NVL: variants seen among roughly 807,000 people sequenced by gnomAD.
NVL encodes the protein nuclear VCP like, also known as nuclear valosin-containing protein-like.
A neutral mutation model predicts 110.2 loss-of-function variants in NVL; 84 were observed. The ratio of observed to expected loss-of-function variants is 0.76; its 90% CI spans 0.64 to 0.91. The LOEUF (loss-of-function observed/expected upper bound fraction) is 0.91. Ranked by LOEUF, NVL falls within the 40% of genes least tolerant of loss-of-function variation. The pLI is 0.00. For synonymous variants in NVL, 354 were observed against 361.1 expected (o/e 0.98, Z 0.22); for missense variants, 882 against 1,035.9 (o/e 0.85, Z 2.04).
intron 18 of NVL, among the ~76,000 whole-genome samples, chr1:224,256,840 G>A (rs975288333): frequency 6.6e-6 from 1 of 151,968 alleles, no homozygotes; most frequent in Non-Finnish European, 1.5e-5. Context: ...CCAGACCTTG[G>A]AGCCATGCTT....
Position 224,326,457 on chromosome 1 carries a change from G to T in NVL, c.65C>A (p.Thr22Asn), listed in dbSNP as rs1272024137. The T allele has an allele frequency of 1.9e-6, 3 of 1,608,506 alleles. No homozygotes were observed. The highest frequency in any genetic ancestry group is 2.7e-5 in the African/African-American group (2 of 74,780). The change falls in exon 2 of 23, where the codon ACC becomes AAC. Residue 22 changes from threonine (T) to asparagine (N), a missense_variant. By Grantham distance (65) the Thr-to-Asn change is moderately conservative (BLOSUM62 0). Transcript: ENST00000281701. Reference sequence around the variant, plus strand: ...CACATATTTGCCACATTTGTTACTGGTAAGGTACTAAAACAGAAAATATAA... The same window carrying T: ...CACATATTTGCCACATTTGTTACTGTTAAGGTACTAAAACAGAAAATATAA... Reference protein sequence around the residue: ...KLKQRVIQYLTSNKCGKYVDI... With the variant: ...KLKQRVIQYLNSNKCGKYVDI...
intron 6 of NVL, among the ~76,000 whole-genome samples, chr1:224,306,601 G>A (rs1040277098): frequency 6.6e-6 from 1 of 152,158 alleles, no homozygotes; most frequent in Non-Finnish European, 1.5e-5. Flanking sequence ...TCAGGCTGAG[G>A]TGGGTGGATC....
intron 8 of NVL, 50 bp from the exon 9 acceptor site, chr1:224,303,907 T>C (rs763816538): frequency 6.5e-7 from 1 of 1,543,676 alleles, no homozygotes. Context: ...ACAATCAAAG[T>C]AGAATGAAAT....
intron 19 of NVL, among the ~76,000 whole-genome samples, chr1:224,237,053 A>G (rs1219094263): frequency 1.3e-5 from 2 of 152,256 alleles, no homozygotes; most frequent in African/African-American, 4.8e-5. Context: ...AGCAGATTCC[A>G]AACTTGAGAA....
chr1:224,289,026 A>G (rs1667126205), intron 13 of NVL, among the ~76,000 whole-genome samples: 1 of 152,228 alleles, frequency 6.6e-6, no homozygotes, highest in Admixed American at 6.5e-5. Context: ...TTAAATGCCA[A>G]TGCTGAAATA....
At chr1:224,250,397 T>C (rs767152075) in intron 18 of NVL, 79 bp from the exon 19 acceptor site, 104 of 1,287,448 alleles carry the variant, frequency 8.1e-5, no homozygotes, top group Non-Finnish European at 1.0e-4. Flanking sequence ...GAGGGTCTTG[T>C]TCCATCTCCC....
chr1:224,254,312 C>T (rs984245603), intron 18 of NVL, among the ~76,000 whole-genome samples: 12 of 150,538 alleles, frequency 8.0e-5, no homozygotes, highest in Admixed American at 1.3e-4. Flanking sequence ...AGGCTGGTCT[C>T]GAACTCCTGA....
At chr1:224,325,525 G>A (rs1313108122) in intron 2 of NVL, among the ~76,000 whole-genome samples, 1 of 151,976 alleles carries the variant, frequency 6.6e-6, no homozygotes, top group Non-Finnish European at 1.5e-5. Context: ...CCTGAGGTCA[G>A]GAGTTCGAGA....
chr1:224,241,449 G>A (rs888397692), intron 19 of NVL, among the ~76,000 whole-genome samples: 5 of 151,954 alleles, frequency 3.3e-5, no homozygotes, highest in African/African-American at 4.8e-5. Context: ...TCTCTATTAC[G>A]ATAATATTAT....
intron 19 of NVL, among the ~76,000 whole-genome samples, chr1:224,238,587 T>C (rs1212338828): frequency 1.3e-5 from 2 of 152,240 alleles, no homozygotes; most frequent in African/African-American, 4.8e-5. Context: ...ACAGTTAATT[T>C]CCCATTCAAT....
intron 20 of NVL, among the ~76,000 whole-genome samples, chr1:224,235,595 C>T (rs1417663385): frequency 6.6e-6 from 1 of 151,898 alleles, no homozygotes; most frequent in Non-Finnish European, 1.5e-5. Flanking sequence ...TGATCAGTTT[C>T]TCTTCACTGA....
intron 10 of NVL, chr1:224,298,507 T>C (rs2102674924): frequency 4.9e-6 from 1 of 205,036 alleles, no homozygotes. Context: ...AAAGGGAAAG[T>C]GTCAGCATGC....
intron 14 of NVL, among the ~76,000 whole-genome samples, chr1:224,286,369 C>G (rs761118138): frequency 6.6e-6 from 1 of 152,082 alleles, no homozygotes; most frequent in Non-Finnish European, 1.5e-5. Flanking sequence ...CCACGTCTGG[C>G]TAATTTTTGT....
intron 19 of NVL, among the ~76,000 whole-genome samples, chr1:224,245,853 G>A (rs1004538369): frequency 3.9e-5 from 6 of 151,914 alleles, no homozygotes; most frequent in Non-Finnish European, 1.5e-5. Context: ...CTCGGGAGGT[G>A]GGATCCGTCC....
chr1:224,265,040 C>G (rs933890548), intron 18 of NVL, among the ~76,000 whole-genome samples: 1 of 152,034 alleles, frequency 6.6e-6, no homozygotes, highest in African/African-American at 2.4e-5. Context: ...CCACCGTGCC[C>G]GGCCAGAACA....
Position 224,323,047 on chromosome 1 carries a change from G to C in NVL, c.131+3344C>G, listed in dbSNP as rs560633451. Among the ~76,000 whole-genome samples the C allele has an allele frequency of 2.0e-4, 31 of 152,244 alleles. No homozygotes were observed. In the East Asian group the frequency reaches 2.9e-3, roughly 14 times the overall value. ...AAGGTTCTATAGTTATATACACACA[G>C]AGAGAGAATGCTATTAGAAATATGA... On this transcript the variant is annotated intron_variant, in intron 2 of 22. Transcript: ENST00000281701.
intron 10 of NVL, among the ~76,000 whole-genome samples, chr1:224,298,967 C>G (rs1258104675): frequency 6.6e-6 from 1 of 151,786 alleles, no homozygotes; most frequent in Non-Finnish European, 1.5e-5. Context: ...AGATAAGGAT[C>G]AGTTAAAATG....
At chr1:224,259,564 C>T (rs1663718842) in intron 18 of NVL, among the ~76,000 whole-genome samples, 1 of 152,078 alleles carries the variant, frequency 6.6e-6, no homozygotes, top group African/African-American at 2.4e-5. Context: ...ATAAATATAT[C>T]CATTGAAAAT....
At chr1:224,285,982 T>C (rs1231607965) in intron 15 of NVL, 44 bp downstream of exon 15, 1 of 1,390,656 alleles carries the variant, frequency 7.2e-7, no homozygotes, top group South Asian at 1.2e-5. Context: ...TTATCCTATC[T>C]GATACTAAGA....
Sources: gnomAD v4.1 joint callset for allele counts (sites outside exome capture counted in the v4.1 genomes callset) on GRCh38, gnomAD v4.1.1 for gene constraint, MANE v1.5 for transcripts, NCBI Gene and HGNC (gene_info 2026-07-23, HGNC 2026-07-21) for gene names.